The following ZNRF3 variants were observed in gnomAD, a reference collection of about 807,000 sequenced individuals.
ZNRF3 encodes the protein zinc and ring finger 3.
A neutral mutation model predicts 72.5 loss-of-function variants in ZNRF3; 23 were observed. The ratio of observed to expected loss-of-function variants is 0.32; its 90% CI spans 0.23 to 0.45. The LOEUF (loss-of-function observed/expected upper bound fraction) is 0.45. Among genes scored for constraint, ZNRF3 ranks in the 20% least tolerant of loss-of-function variants. The probability of loss-of-function intolerance (pLI) is 1.00; values close to 1 mark genes in which losing one functional copy is unlikely to be tolerated. For missense variants in ZNRF3, 1,169 were observed against 1,272.1 expected, an observed-to-expected ratio of 0.92 and a Z score of 1.23; for synonymous variants, 610 against 545.3, an observed-to-expected ratio of 1.12 and a Z score of -1.65.
chr22:28,910,502 G>A (rs1029662006), intron 1 of ZNRF3, among the ~76,000 whole-genome samples: 15 of 152,238 alleles, frequency 9.9e-5, no homozygotes, highest in African/African-American at 3.4e-4. Context: ...GGCTTTGGAT[G>A]TTTCAAGGTG....
chr22:28,983,358 T>TCA (rs2035799898), intron 1 of ZNRF3, among the ~76,000 whole-genome samples: 2 of 152,128 alleles, frequency 1.3e-5, no homozygotes, highest in South Asian at 4.1e-4. Context: ...CTTTCATAGT[T>TCA]CAGATTTCTG....
chr22:29,002,817 C>T (rs1202078405), intron 2 of ZNRF3, among the ~76,000 whole-genome samples: 8 of 152,302 alleles, frequency 5.3e-5, no homozygotes, highest in South Asian at 2.1e-4. Flanking sequence ...TCAGCCTTGG[C>T]AAGCATGTAC....
At chr22:28,905,971 C>T (rs1264055219) in intron 1 of ZNRF3, among the ~76,000 whole-genome samples, 3 of 152,116 alleles carry the variant, frequency 2.0e-5, no homozygotes. Flanking sequence ...TATAGCCTCA[C>T]CATGAGGTAA....
intron 1 of ZNRF3, among the ~76,000 whole-genome samples, chr22:28,983,105 C>A (rs2123824694): frequency 6.6e-6 from 1 of 152,296 alleles, no homozygotes; most frequent in Middle Eastern, 3.4e-3. Flanking sequence ...CTCCCACTGG[C>A]ACTTTAGAAA....
At chr22:28,962,617 T>C (rs1202606516) in intron 1 of ZNRF3, among the ~76,000 whole-genome samples, 1 of 152,226 alleles carries the variant, frequency 6.6e-6, no homozygotes, top group Non-Finnish European at 1.5e-5. Flanking sequence ...CCATGTGTCA[T>C]TAGTCATTTA....
intron 8 of ZNRF3, among the ~76,000 whole-genome samples, chr22:29,053,230 C>T (rs913520638): frequency 1.3e-5 from 2 of 152,206 alleles, no homozygotes; most frequent in African/African-American, 4.8e-5. Flanking sequence ...CATCCTATTG[C>T]TAAATTACTT....
At chr22:28,947,295 TTTA>T (rs1460242101) in intron 1 of ZNRF3, among the ~76,000 whole-genome samples, 1 of 152,232 alleles carries the variant, frequency 6.6e-6, no homozygotes, top group Non-Finnish European at 1.5e-5. Flanking sequence ...TTTCACTCTG[TTTA>T]TTATGAACAA....
At chr22:28,995,901 G>A (rs569997350) in intron 2 of ZNRF3, among the ~76,000 whole-genome samples, 28 of 151,864 alleles carry the variant, frequency 1.8e-4, no homozygotes, top group African/African-American at 6.8e-4. Context: ...TCAGCCACCC[G>A]AGTAACTGTG....
At chr22:29,046,625 C>T (rs2037075005) in intron 5 of ZNRF3, 91 bp from the exon 6 acceptor site, 3 of 1,332,502 alleles carry the variant, frequency 2.3e-6, no homozygotes, top group African/African-American at 3.0e-5. Flanking sequence ...GAATTGTCTG[C>T]CTGTCCCAGT....
rs1192838785 is a variant in ZNRF3 at position 28,933,797 on chromosome 22, T to TC, written c.300+49736dup. Reference sequence around the variant, plus strand: ...TCTCTCTCCCCTCCCTCCTCCCTCCTCCCCCTCCCCCTCATCTGGGTCTGA... The same window carrying TC: ...TCTCTCTCCCCTCCCTCCTCCCTCCTCCCCCCTCCCCCTCATCTGGGTCTGA... On this transcript the variant is annotated intron_variant, in intron 1 of 8. Coordinates refer to ENST00000544604, the MANE Select transcript of ZNRF3 (RefSeq NM_001206998.2). 5.6e-3 allele frequency among the ~76,000 whole-genome samples: 701 copies of TC among 124,406 alleles called. 9 individuals are homozygous for TC. The highest frequency in any genetic ancestry group is 0.021 in the African/African-American group (674 of 32,862). The allele number at this position is 124,406 out of a possible 152,430, so 81.6% of individuals were successfully genotyped here.
rs180926167 is a variant in ZNRF3 at position 28,900,925 on chromosome 22, G to A, written c.300+16859G>A. Among the ~76,000 whole-genome samples the A allele has an allele frequency of 5.3e-5, 8 of 152,104 alleles. No individual in the cohort carries two copies. In the East Asian group the frequency reaches 1.5e-3, roughly 29 times the overall value. On this transcript the variant is annotated intron_variant, in intron 1 of 8. Transcript: ENST00000544604. ...GTTTAAGACCAGCTTGGGCGACATA[G>A]CGAGACTGTTCCTACAACAAATTTT...
intron 2 of ZNRF3, among the ~76,000 whole-genome samples, chr22:29,028,129 CTT>C (rs900523135): frequency 2.6e-5 from 4 of 152,164 alleles, no homozygotes; most frequent in African/African-American, 4.8e-5. Context: ...TTTGAAACAA[CTT>C]AGATCCTTAA....
intron 2 of ZNRF3, among the ~76,000 whole-genome samples, chr22:29,036,604 A>T (rs1315831660): frequency 6.6e-6 from 1 of 152,214 alleles, no homozygotes; most frequent in Non-Finnish European, 1.5e-5. Flanking sequence ...TATGCAGCCA[A>T]GTAAGAATTG....
chr22:28,883,582 C>T lies in ZNRF3; in HGVS notation c.-185C>T. The T allele has an allele frequency of 2.0e-6, 1 of 490,592 alleles. No individual in the cohort carries two copies. The highest frequency in any genetic ancestry group is 2.6e-6 in the Non-Finnish European group (1 of 377,636). 30.4% of individuals were successfully genotyped at this position (490,592 alleles called of 1,614,324 possible). ...CGCTGCCGGGGCGGGGATAACCCCTCACGTGGAGCAGATGAAAGGGCCGCG... is the reference window on the plus strand; with the variant it reads ...CGCTGCCGGGGCGGGGATAACCCCTTACGTGGAGCAGATGAAAGGGCCGCG... On this transcript the variant is annotated 5_prime_UTR_variant, in exon 1 of 9. Coordinates refer to ENST00000544604, the MANE Select transcript of ZNRF3 (RefSeq NM_001206998.2). This position sits in a 1 kb window ranked among gnomAD's most constrained non-coding sequence, Gnocchi z 5.5.
chr22:28,986,621 T>A, intron 1 of ZNRF3: 1 of 985,450 alleles, frequency 1.0e-6, no homozygotes, highest in Non-Finnish European at 1.2e-6. Flanking sequence ...GTCCGGGATG[T>A]GTTTCCAGAT....
chr22:28,949,417 C>T (rs2035114632), intron 1 of ZNRF3, among the ~76,000 whole-genome samples: 1 of 152,046 alleles, frequency 6.6e-6, no homozygotes, highest in Non-Finnish European at 1.5e-5. Flanking sequence ...AGGGCTTTAG[C>T]TGCATGCCAC....
At chr22:29,001,193 C>T (rs1344224143) in intron 2 of ZNRF3, among the ~76,000 whole-genome samples, 2 of 150,532 alleles carry the variant, frequency 1.3e-5, no homozygotes, top group African/African-American at 4.9e-5. Flanking sequence ...CTCAGCCTCC[C>T]GAGTAGCTGG....
intron 1 of ZNRF3, among the ~76,000 whole-genome samples, chr22:28,968,543 C>T (rs1033856568): frequency 1.3e-5 from 2 of 152,112 alleles, no homozygotes; most frequent in Admixed American, 6.6e-5. Context: ...AACCCTGTCT[C>T]TACTAAAAAT....
chr22:28,915,152 G>A (rs910234442), intron 1 of ZNRF3, among the ~76,000 whole-genome samples: 2 of 152,218 alleles, frequency 1.3e-5, no homozygotes, highest in African/African-American at 4.8e-5. Flanking sequence ...CACTGGCTAG[G>A]TGGCTTAAAT....
Sources: allele counts gnomAD v4.1 joint callset (sites outside exome capture counted in the v4.1 genomes callset), GRCh38; gene constraint gnomAD v4.1.1; non-coding constraint Gnocchi (gnomAD v3.1); transcripts MANE v1.5; gene names NCBI Gene and HGNC (gene_info 2026-07-23, HGNC 2026-07-21).